Variants in DHX34 observed in about 807,000 individuals in gnomAD.
The protein encoded by DHX34 is probable ATP-dependent RNA helicase DHX34.
A neutral mutation model predicts 111.1 loss-of-function variants in DHX34; 96 were observed. The observed-to-expected ratio is 0.86, with a 90% confidence interval of 0.73 to 1.02. The LOEUF is 1.02. Ranked by LOEUF, DHX34 falls within the 50% of genes least tolerant of loss-of-function variation. The pLI is 0.00. For missense variants in DHX34, 1,560 were observed against 1,579.9 expected, an observed-to-expected ratio of 0.99 and a Z score of 0.21; for synonymous variants, 688 against 670.4, an observed-to-expected ratio of 1.03 and a Z score of -0.41.
intron 13 of DHX34, among the ~76,000 whole-genome samples, chr19:47,378,226 C>G (rs1970232093): frequency 6.6e-6 from 1 of 152,170 alleles, no homozygotes; most frequent in Admixed American, 6.5e-5. Flanking sequence ...ACCACAAAAG[C>G]CAGCTCAGCT....
rs770416743 is a variant in DHX34 at position 47,353,343 on chromosome 19, C to T, written c.313C>T (p.Arg105Cys). 1.3e-5 allele frequency: 21 copies of T among 1,614,038 alleles called. No individual in the cohort carries two copies. The highest frequency in any genetic ancestry group is 1.6e-4 in the Middle Eastern group (1 of 6,084). ...DLPRTYDPRYRINLSVLGPAT... is the reference protein window; with the variant it reads ...DLPRTYDPRYCINLSVLGPAT... The stretch of plus-strand genomic sequence containing the variant: ...ACCTCGCACTTACGACCCACGTTAC[C>T]GCATCAACCTCTCTGTTCTTGGCCC... The change falls in exon 2 of 17, where the codon CGC becomes TGC. Residue 105 changes from arginine (R) to cysteine (C), a missense_variant. Transcript: ENST00000328771. This position sits in a 1 kb window ranked among gnomAD's most constrained non-coding sequence, Gnocchi z 4.6.
chr19:47,353,060 G>C lies in DHX34; in HGVS notation c.30G>C (p.Arg10Ser), dbSNP rs762166228. The change falls in exon 2 of 17, where the codon AGG becomes AGC. Residue 10 changes from arginine to serine, a missense_variant. Arg to Ser is a moderately radical substitution (Grantham distance 110). Coordinates refer to ENST00000328771, the MANE Select transcript of DHX34 (RefSeq NM_014681.6). This position sits in a 1 kb window ranked among gnomAD's most constrained non-coding sequence, Gnocchi z 4.6. MPPPRTREG[R>S]DRRDHHRAPS... ...CTCCTCCTAGAACAAGGGAGGGCAG[G>C]GATCGCCGAGACCACCACCGGGCTC... is the stretch of plus-strand genomic sequence containing the variant. The C allele has an allele frequency of 3.3e-5, 54 of 1,613,414 alleles. No individual in the cohort carries two copies. The highest frequency in any genetic ancestry group is 4.5e-5 in the Non-Finnish European group (53 of 1,179,548).
At chr19:47,372,946 TCTGTCTGTC>T in intron 8 of DHX34, 23 bp downstream of exon 8, 1 of 1,378,368 alleles carries the variant, frequency 7.3e-7, no homozygotes, top group Non-Finnish European at 9.6e-7. Context: ...GTGGGGGCCC[TCTGTCTGTC>T]ACCCTGCTCA....
chr19:47,362,733 G>A, intron 6 of DHX34, 40 bp downstream of exon 6: 1 of 1,530,170 alleles, frequency 6.5e-7, no homozygotes, highest in East Asian at 2.4e-5. Flanking sequence ...CCTAACTGCT[G>A]GCACAGGGAG....
intron 13 of DHX34, among the ~76,000 whole-genome samples, chr19:47,379,064 G>T (rs1203197970): frequency 6.6e-6 from 1 of 152,124 alleles, no homozygotes; most frequent in Non-Finnish European, 1.5e-5. Context: ...GGGAGGTGGA[G>T]GTTGCAGTGA....
At chr19:47,354,946 A>C in intron 2 of DHX34, 93 bp from the exon 3 acceptor site, 1 of 1,550,578 alleles carries the variant, frequency 6.4e-7, no homozygotes. Flanking sequence ...GAGCCACCGC[A>C]CCCGGCCTGC....
rs753294284 is a variant in DHX34, at chr19:47,355,095, C to A, written c.762C>A (p.Phe254Leu). 3 of 1,614,050 alleles carry A rather than the reference C, an allele frequency of 1.9e-6. No homozygotes were observed. The South Asian group carries it at 3.3e-5, about 18-fold the overall frequency. The change falls in exon 3 of 17, where the codon TTC (phenylalanine) becomes TTA (leucine). Residue 254 changes from phenylalanine to leucine, a missense_variant. By Grantham distance (22) the Phe-to-Leu change is conservative. Transcript: ENST00000328771. ...STRSAATKIV[F>L]LTVGLLLRQI... is the part of the protein sequence containing the mutation. ...GTTCGGCGGCCACCAAGATTGTATT[C>A]CTGACAGTGGGGCTGCTCCTGCGAC...
At chr19:47,366,775 T>C (rs1259481241) in intron 6 of DHX34, 1 of 872,372 alleles carries the variant, frequency 1.1e-6, no homozygotes, top group Non-Finnish European at 1.4e-6. Context: ...GGTTTCACCA[T>C]GTTGGCCAGG....
chr19:47,357,482 G>A (rs948092661), intron 3 of DHX34, among the ~76,000 whole-genome samples: 1 of 152,074 alleles, frequency 6.6e-6, no homozygotes, highest in Non-Finnish European at 1.5e-5. Context: ...TGCCCCAGAG[G>A]GAACATATGG....
Position 47,380,937 on chromosome 19 carries a change from ACCCCAC to A in DHX34, c.3105_3110del (p.His1035_Thr1037delinsGln). 2 of 1,586,152 alleles carry A rather than the reference ACCCCAC, an allele frequency of 1.3e-6. No individual in the cohort carries two copies. Among genetic ancestry groups the A allele is most frequent in the Non-Finnish European group, 1.7e-6 (2 of 1,166,606 alleles). On this transcript the variant is annotated inframe_deletion, in exon 15 of 17. Transcript: ENST00000328771. ...TTTGGCAGCTCCACCCTGTCCCCCC[ACCCCAC>A]AAAGGGGGGCTACGCAGTCACTGAC...
intron 4 of DHX34, among the ~76,000 whole-genome samples, chr19:47,358,347 A>G (rs1969524380): frequency 6.6e-6 from 1 of 152,156 alleles, no homozygotes; most frequent in South Asian, 2.1e-4. Context: ...GGAGTAGATG[A>G]TGTCAGTCCT....
At position 47,382,145 on chromosome 19, in the gene DHX34, A is replaced by C; in HGVS notation, c.*32A>C. The C allele has an allele frequency of 6.2e-7, 1 of 1,611,480 alleles. No individual in the cohort carries two copies. The highest frequency in any genetic ancestry group is 8.5e-7 in the Non-Finnish European group (1 of 1,178,784). On this transcript the variant is annotated 3_prime_UTR_variant, in exon 17 of 17. Transcript: ENST00000328771. ...CCAGGAGCCCTGCCCACCTCCGTGC[A>C]GCTGACCTGCCCTCCAGCCCAGGAC...
intron 6 of DHX34, among the ~76,000 whole-genome samples, chr19:47,363,255 A>G (rs1969689969): frequency 6.6e-6 from 1 of 151,812 alleles, no homozygotes; most frequent in South Asian, 2.1e-4. Flanking sequence ...CGCCCGGCCT[A>G]ACTTTTTTTA....
chr19:47,373,985 T>A (rs1970053821), intron 9 of DHX34, among the ~76,000 whole-genome samples: 1 of 152,060 alleles, frequency 6.6e-6, no homozygotes, highest in Non-Finnish European at 1.5e-5. Context: ...TGCATGGGCA[T>A]GGTGTTGGAG....
intron 14 of DHX34, 179 bp from the exon 15 acceptor site, chr19:47,380,637 G>T: frequency 1.0e-6 from 1 of 985,260 alleles, no homozygotes; most frequent in Non-Finnish European, 1.2e-6. Flanking sequence ...TGGGTTATCA[G>T]GTATATTCTA....
At chr19:47,362,371 A>T (rs1466674850) in intron 5 of DHX34, 105 bp from the exon 6 acceptor site, 6 of 1,383,898 alleles carry the variant, frequency 4.3e-6, no homozygotes, top group Non-Finnish European at 5.6e-6. Flanking sequence ...CATTAACAGA[A>T]TAAAGGAGTA....
intron 3 of DHX34, 143 bp from the exon 4 acceptor site, chr19:47,357,723 A>C (rs1371264017): frequency 7.0e-7 from 1 of 1,434,690 alleles, no homozygotes; most frequent in Non-Finnish European, 9.1e-7. Context: ...CACATGGAAC[A>C]GAGTTGCCCA....
intron 7 of DHX34, chr19:47,372,483 C>T (rs1969994161): frequency 2.0e-6 from 1 of 489,986 alleles, no homozygotes. Flanking sequence ...TCCTGTGTGT[C>T]CAAGGAGGCA....
At chr19:47,360,103 C>G (rs1170350408) in intron 5 of DHX34, 33 bp downstream of exon 5, 24 of 1,607,364 alleles carry the variant, frequency 1.5e-5, no homozygotes, top group Non-Finnish European at 2.0e-5. Flanking sequence ...ACCCACCACC[C>G]CCAAGGACTT....
Sources: gnomAD v4.1 joint callset for allele counts (sites outside exome capture counted in the v4.1 genomes callset) on GRCh38, gnomAD v4.1.1 for gene constraint, Gnocchi (gnomAD v3.1) non-coding constraint, MANE v1.5 for transcripts, NCBI Gene and HGNC (gene_info 2026-07-23, HGNC 2026-07-21) for gene names.